CCSER1: variants seen among roughly 807,000 people sequenced by gnomAD.
CCSER1 encodes serine-rich coiled-coil domain-containing protein 1.
Under a neutral mutation model 82.0 loss-of-function variants are expected in CCSER1, and 41 were observed. The observed-to-expected ratio is 0.50, with a 90% CI of 0.39 to 0.65. The LOEUF is 0.65. Among genes scored for constraint, CCSER1 ranks in the 30% least tolerant of loss-of-function variants. The probability of loss-of-function intolerance (pLI) is 0.00; values close to 1 mark genes in which losing one functional copy is unlikely to be tolerated. For missense variants in CCSER1, 1,119 were observed against 1,064.2 expected (o/e 1.05, Z -0.72); for synonymous variants, 414 against 383.9 (o/e 1.08, Z -0.92).
At chr4:90,724,629 TG>T in intron 7 of CCSER1, 1 of 368,178 alleles carries the variant, frequency 2.7e-6, no homozygotes, top group Non-Finnish European at 5.3e-6. Context: ...ATGTTTGTAC[TG>T]GGGTATTTAG....
chr4:91,332,798 T>A (rs1276915872), intron 10 of CCSER1, among the ~76,000 whole-genome samples: 5 of 152,026 alleles, frequency 3.3e-5, no homozygotes, highest in African/African-American at 1.2e-4. Flanking sequence ...AATATCCAAG[T>A]GAAATCTGAA....
chr4:90,190,773 C>T (rs1053504727), intron 1 of CCSER1, among the ~76,000 whole-genome samples: 1 of 152,038 alleles, frequency 6.6e-6, no homozygotes, highest in African/African-American at 2.4e-5. Context: ...GGAAGGAACA[C>T]TTCTTTGGGC....
chr4:90,322,102 T>C (rs1177209861), intron 3 of CCSER1, among the ~76,000 whole-genome samples: 1 of 152,170 alleles, frequency 6.6e-6, no homozygotes, highest in Admixed American at 6.5e-5. Flanking sequence ...CTTCCATAGT[T>C]CCATAGTTTG....
chr4:90,703,711 C>T (rs1409003192), intron 6 of CCSER1, among the ~76,000 whole-genome samples: 1 of 152,080 alleles, frequency 6.6e-6, no homozygotes, highest in African/African-American at 2.4e-5. Flanking sequence ...TGAATTAATC[C>T]CTTTACCATT....
intron 7 of CCSER1, among the ~76,000 whole-genome samples, chr4:90,725,316 G>T (rs780116018): frequency 1.3e-4 from 19 of 151,456 alleles, no homozygotes; most frequent in Non-Finnish European, 2.2e-4. Flanking sequence ...GGTTAAAAAA[G>T]GTTAGACATA....
In CCSER1 at chr4:91,294,581, T is replaced by C. The variant is rs139559093; in HGVS notation, c.2217+208587T>C. On this transcript the variant is annotated intron_variant, in intron 10 of 10. Transcript: ENST00000509176. Reference sequence around the variant, plus strand: ...ACAGGGTTTGTTCCTTCTGGAGGTTTGAAGGAGAGTCTGTTTTGAGCCCAT... The same window carrying C: ...ACAGGGTTTGTTCCTTCTGGAGGTTCGAAGGAGAGTCTGTTTTGAGCCCAT... 2.9e-3 allele frequency among the ~76,000 whole-genome samples: 441 copies of C among 151,888 alleles called. 1 individual carries two copies. The highest frequency in any genetic ancestry group is 9.9e-3 in the African/African-American group (410 of 41,480).
chr4:91,189,699 T>G (rs922825888), intron 10 of CCSER1, among the ~76,000 whole-genome samples: 5 of 152,108 alleles, frequency 3.3e-5, no homozygotes, highest in Non-Finnish European at 5.9e-5. Context: ...AATTTGTTTC[T>G]TCCCAAAGGA....
chr4:90,561,144 T>C (rs1392175069), intron 5 of CCSER1, among the ~76,000 whole-genome samples: 1 of 152,214 alleles, frequency 6.6e-6, no homozygotes, highest in African/African-American at 2.4e-5. Context: ...CTGTTATGCC[T>C]CACCTTCATA....
intron 10 of CCSER1, among the ~76,000 whole-genome samples, chr4:91,216,638 T>C (rs912528566): frequency 6.6e-6 from 1 of 152,050 alleles, no homozygotes; most frequent in Non-Finnish European, 1.5e-5. Flanking sequence ...CTTATTGTTA[T>C]TTTTTTATGT....
At chr4:90,988,560 A>G (rs1254697733) in intron 9 of CCSER1, among the ~76,000 whole-genome samples, 1 of 151,660 alleles carries the variant, frequency 6.6e-6, no homozygotes, top group Non-Finnish European at 1.5e-5. Context: ...TTTTTATCTG[A>G]TAAGATAAAA....
chr4:90,320,184 T>C (rs1736884587), intron 3 of CCSER1, among the ~76,000 whole-genome samples: 1 of 152,198 alleles, frequency 6.6e-6, no homozygotes, highest in African/African-American at 2.4e-5. Flanking sequence ...CGGTCATTAA[T>C]ATAGCACCTG....
chr4:91,255,122 A>G (rs188628558), intron 10 of CCSER1, among the ~76,000 whole-genome samples: 138 of 152,320 alleles, frequency 9.1e-4, no homozygotes, highest in African/African-American at 3.0e-3. Flanking sequence ...GCATTGTGGA[A>G]TATTAATGGT....
At chr4:90,871,236 T>C (rs1363712816) in intron 8 of CCSER1, among the ~76,000 whole-genome samples, 1 of 151,882 alleles carries the variant, frequency 6.6e-6, no homozygotes, top group Non-Finnish European at 1.5e-5. Flanking sequence ...TGCGATTTGC[T>C]CATGCTTTTG....
intron 4 of CCSER1, among the ~76,000 whole-genome samples, chr4:90,465,851 CCT>C (rs1763557962): frequency 6.6e-6 from 1 of 151,936 alleles, no homozygotes; most frequent in South Asian, 2.1e-4. Flanking sequence ...CAGTTTGAAC[CCT>C]GTTTTTGGGG....
At chr4:90,609,982 G>A (rs1352593218) in intron 5 of CCSER1, among the ~76,000 whole-genome samples, 2 of 152,148 alleles carry the variant, frequency 1.3e-5, no homozygotes, top group African/African-American at 4.8e-5. Context: ...GCCAGGCGCG[G>A]TGGCTCATGC....
At chr4:91,425,353 T>A (rs376857652) in intron 10 of CCSER1, among the ~76,000 whole-genome samples, 1 of 152,166 alleles carries the variant, frequency 6.6e-6, no homozygotes, top group African/African-American at 2.4e-5. Flanking sequence ...CAGAATGTCA[T>A]ATAAATTACA....
intron 9 of CCSER1, among the ~76,000 whole-genome samples, chr4:90,942,446 T>A (rs1271535898): frequency 6.6e-6 from 1 of 152,208 alleles, no homozygotes; most frequent in African/African-American, 2.4e-5. Flanking sequence ...TTTTTTAAAA[T>A]TATTTTTCTA....
chr4:91,471,842 C>A (rs924040653), intron 10 of CCSER1, among the ~76,000 whole-genome samples: 1 of 151,044 alleles, frequency 6.6e-6, no homozygotes, highest in Non-Finnish European at 1.5e-5. Flanking sequence ...TAGTGGCGGG[C>A]GCCTGTAGTC....
At chr4:91,150,217 A>G (rs1730019154) in intron 10 of CCSER1, among the ~76,000 whole-genome samples, 2 of 152,116 alleles carry the variant, frequency 1.3e-5, no homozygotes, top group Non-Finnish European at 2.9e-5. Context: ...TTGGATTCCT[A>G]AGTATTTTAT....
Sources: allele counts gnomAD v4.1 joint callset (sites outside exome capture counted in the v4.1 genomes callset), GRCh38; gene constraint gnomAD v4.1.1; transcripts MANE v1.5; gene names NCBI Gene and HGNC (gene_info 2026-07-23, HGNC 2026-07-21).